Variants in CTCF observed in about 807,000 individuals in gnomAD.
The protein encoded by CTCF is transcriptional repressor CTCF.
In CTCF, 7 loss-of-function variants were observed where a neutral mutation model predicts 72.3. That is an observed-to-expected ratio of 0.10 (90% CI 0.06 to 0.18). The LOEUF (loss-of-function observed/expected upper bound fraction) is 0.18, where lower values mean the gene tolerates loss of function less well. CTCF is among the 10% of genes least tolerant of loss of function. The pLI is 1.00. For missense variants in CTCF, 516 were observed against 949.1 expected (o/e 0.54, Z 6.00); for synonymous variants, 374 against 315.8 (o/e 1.18, Z -1.95).
intron 1 of CTCF, among the ~76,000 whole-genome samples, chr16:67,570,256 T>C (rs1475601700): frequency 6.6e-6 from 1 of 151,776 alleles, no homozygotes; most frequent in Non-Finnish European, 1.5e-5. Flanking sequence ...TTTTTCTTTG[T>C]ATTTTTAGTA....
intron 2 of CTCF, among the ~76,000 whole-genome samples, chr16:67,597,274 G>A (rs748982958): frequency 5.3e-5 from 8 of 151,848 alleles, no homozygotes; most frequent in Non-Finnish European, 1.2e-4. Flanking sequence ...GGGCTCAAGC[G>A]ATCTGCTGGC....
At chr16:67,612,660 C>T (rs2052076890) in intron 4 of CTCF, among the ~76,000 whole-genome samples, 1 of 151,358 alleles carries the variant, frequency 6.6e-6, no homozygotes, top group Admixed American at 6.6e-5. Context: ...TGGCCGGGTA[C>T]AGTGGCTCAC....
intron 2 of CTCF, among the ~76,000 whole-genome samples, chr16:67,576,886 T>C (rs2051505226): frequency 6.6e-6 from 1 of 152,148 alleles, no homozygotes; most frequent in Non-Finnish European, 1.5e-5. Flanking sequence ...AATGGCAAGA[T>C]ATTTGAAACA....
intron 2 of CTCF, among the ~76,000 whole-genome samples, chr16:67,598,503 TAGAA>T (rs2051843728): frequency 1.3e-5 from 2 of 152,164 alleles, no homozygotes; most frequent in South Asian, 4.1e-4. Context: ...CAAATTATAA[TAGAA>T]AGTTATTATT....
At chr16:67,590,113 CTT>C (rs201207895) in intron 2 of CTCF, among the ~76,000 whole-genome samples, 35 of 141,442 alleles carry the variant, frequency 2.5e-4, no homozygotes, top group Non-Finnish European at 2.3e-4. Context: ...ACAGTTAGAA[CTT>C]TTTTTTTTTT....
At position 67,575,552 on chromosome 16, in the gene CTCF, C is replaced by T. The variant is rs1304484722; in HGVS notation, c.-10+4288C>T. ...CTCTGCTTCCCGGGTTCAACCGATT[C>T]TCCTGCCTCAGCCTCCTGAATAGCT... On this transcript the variant is annotated intron_variant, in intron 2 of 11. Transcript: ENST00000264010. 2.6e-5 allele frequency among the ~76,000 whole-genome samples: 4 copies of T among 152,050 alleles called. No individual in the cohort carries two copies. The East Asian group carries it at 7.7e-4, about 29-fold the overall frequency.
chr16:67,584,485 C>T (rs957686298), intron 2 of CTCF, among the ~76,000 whole-genome samples: 5 of 151,608 alleles, frequency 3.3e-5, no homozygotes, highest in Admixed American at 1.3e-4. Flanking sequence ...GGATTACAGG[C>T]GTGGTGGAAT....
rs758670950 is a variant in CTCF at position 67,611,433 on chromosome 16, G to A, written c.601G>A (p.Ala201Thr). Reference protein sequence around the residue: ...WQKDPDYQPPAKKTKKTKKSK... With the variant: ...WQKDPDYQPPTKKTKKTKKSK... ...AAAAGACCCAGACTATCAGCCACCA[G>A]CCAAAAAAACAAAGAAAACCAAAAA... is the stretch of plus-strand genomic sequence containing the variant. The change falls in exon 3 of 12, where the codon GCC becomes ACC. Residue 201 changes from alanine to threonine, a missense_variant. Ala to Thr is a moderately conservative substitution (Grantham distance 58, BLOSUM62 0). Coordinates refer to ENST00000264010, the MANE Select transcript of CTCF (RefSeq NM_006565.4). 7 of 1,613,982 alleles carry A rather than the reference G, an allele frequency of 4.3e-6. No homozygotes were observed. The highest frequency in any genetic ancestry group is 5.1e-6 in the Non-Finnish European group (6 of 1,180,038).
intron 2 of CTCF, among the ~76,000 whole-genome samples, chr16:67,596,775 A>G (rs1171870686): frequency 1.3e-5 from 2 of 151,842 alleles, no homozygotes; most frequent in Non-Finnish European, 2.9e-5. Context: ...TTTAGTAGAG[A>G]TGGGGTTTCA....
At chr16:67,634,146 T>G (rs1200892539) in intron 10 of CTCF, among the ~76,000 whole-genome samples, 1 of 152,190 alleles carries the variant, frequency 6.6e-6, no homozygotes, top group Non-Finnish European at 1.5e-5. Flanking sequence ...CACACCCTGC[T>G]CCCCTAAAAG....
intron 2 of CTCF, among the ~76,000 whole-genome samples, chr16:67,573,703 C>T (rs2051456667): frequency 6.6e-6 from 1 of 152,034 alleles, no homozygotes; most frequent in African/African-American, 2.4e-5. Flanking sequence ...CAGGTTTTTC[C>T]TTTGCTTTCA....
intron 2 of CTCF, chr16:67,610,600 C>T (rs946153304): frequency 2.3e-5 from 5 of 213,902 alleles, no homozygotes; most frequent in Middle Eastern, 1.5e-3. Flanking sequence ...GTGATCCGCC[C>T]GCCTCAGCCT....
At chr16:67,620,533 G>A (rs1050315329) in intron 5 of CTCF, among the ~76,000 whole-genome samples, 164 bp from the exon 6 acceptor site, 2 of 152,090 alleles carry the variant, frequency 1.3e-5, no homozygotes, top group African/African-American at 4.8e-5. Context: ...ATATGGATTC[G>A]AGAAGCAAAG....
At chr16:67,575,927 A>G (rs1381693394) in intron 2 of CTCF, among the ~76,000 whole-genome samples, 1 of 151,794 alleles carries the variant, frequency 6.6e-6, no homozygotes, top group Non-Finnish European at 1.5e-5. Context: ...CAAGGGATAT[A>G]AAACCCTAAC....
Position 67,638,502 on chromosome 16 carries a change from A to G in CTCF, c.*630A>G, listed in dbSNP as rs971195360. ...GAAGTGCAGTGTAAGAAAACCCAGC[A>G]TTTTAATTACTTGCAAATTAAGTTA... On this transcript the variant is annotated 3_prime_UTR_variant, in exon 12 of 12. Coordinates refer to ENST00000264010, the MANE Select transcript of CTCF (RefSeq NM_006565.4). The G allele has an allele frequency of 4.4e-6, 1 of 226,362 alleles. No homozygotes were observed. The highest frequency in any genetic ancestry group is 8.8e-6 in the Non-Finnish European group (1 of 113,362). The allele number at this position is 226,362 out of a possible 1,614,324, so 14.0% of individuals were successfully genotyped here. A position where few individuals can be genotyped will look rare whatever the true frequency, so the allele number is the denominator to read the frequency against.
chr16:67,588,181 A>C (rs1172211046), intron 2 of CTCF, among the ~76,000 whole-genome samples: 1 of 152,134 alleles, frequency 6.6e-6, no homozygotes, highest in South Asian at 2.1e-4. Context: ...TTTAAAGCTC[A>C]CCAGAATAGG....
intron 2 of CTCF, among the ~76,000 whole-genome samples, chr16:67,603,748 C>A (rs898740094): frequency 6.6e-6 from 1 of 151,326 alleles, no homozygotes; most frequent in Non-Finnish European, 1.5e-5. Context: ...TGGCGTTAAC[C>A]CAGTAGGTGG....
chr16:67,565,387 A>G (rs898941601), intron 1 of CTCF, among the ~76,000 whole-genome samples: 3 of 150,486 alleles, frequency 2.0e-5, no homozygotes, highest in African/African-American at 7.3e-5. Flanking sequence ...ATTTAAGAGT[A>G]GTTGTGGCTG....
chr16:67,571,208 G>T lies in CTCF; in HGVS notation c.-66G>T, dbSNP rs531937072. ...GCTAGTGGACAGATTGCTGACCAGG[G>T]GCTTGAGAGCTGGGTTCTATTTTCC... On this transcript the variant is annotated 5_prime_UTR_variant, in exon 2 of 12. Transcript: ENST00000264010. The T allele has an allele frequency of 2.8e-4, 42 of 152,674 alleles. No homozygotes were observed. Among genetic ancestry groups the T allele is most frequent in the Middle Eastern group, 3.4e-3 (1 of 294 alleles). The allele number at this position is 152,674 out of a possible 1,614,324, so 9.5% of individuals were successfully genotyped here.
Sources: gnomAD v4.1 joint callset for allele counts (sites outside exome capture counted in the v4.1 genomes callset) on GRCh38, gnomAD v4.1.1 for gene constraint, MANE v1.5 for transcripts, NCBI Gene and HGNC (gene_info 2026-07-23, HGNC 2026-07-21) for gene names.